The following UVRAG variants were observed in gnomAD, a reference collection of about 807,000 sequenced individuals.
UVRAG encodes UV radiation resistance associated, also known as UV radiation resistance-associated gene protein.
Under a neutral mutation model 78.0 loss-of-function variants are expected in UVRAG, and 19 were observed. That is an observed-to-expected ratio of 0.24 (90% CI 0.17 to 0.36). UVRAG has a LOEUF of 0.36. UVRAG is among the 10% of genes least tolerant of loss of function. The pLI is 1.00. For missense variants in UVRAG, 740 were observed against 853.8 expected (o/e 0.87, Z 1.66); for synonymous variants, 323 against 324.6 (o/e 1.00, Z 0.05).
At chr11:76,047,960 A>G (rs1042886274) in intron 12 of UVRAG, among the ~76,000 whole-genome samples, 5 of 152,212 alleles carry the variant, frequency 3.3e-5, no homozygotes, top group Admixed American at 1.3e-4. Context: ...GAACTAAACC[A>G]TATGTTTTAT....
chr11:75,904,865 A>G (rs1390932996), intron 5 of UVRAG, among the ~76,000 whole-genome samples: 2 of 152,124 alleles, frequency 1.3e-5, no homozygotes, highest in African/African-American at 2.4e-5. Context: ...TATTGCTGTT[A>G]TTTTTTATTA....
At chr11:75,971,158 A>C (rs528765655) in intron 7 of UVRAG, among the ~76,000 whole-genome samples, 1 of 152,116 alleles carries the variant, frequency 6.6e-6, no homozygotes, top group African/African-American at 2.4e-5. Context: ...TGCATGTACA[A>C]TTTCTCTTTT....
intron 6 of UVRAG, among the ~76,000 whole-genome samples, chr11:75,927,174 A>G (rs1037435028): frequency 2.6e-5 from 4 of 151,882 alleles, no homozygotes; most frequent in Non-Finnish European, 2.9e-5. Flanking sequence ...GGTTCAAGCA[A>G]TTCTCCTGCC....
intron 3 of UVRAG, among the ~76,000 whole-genome samples, chr11:75,869,522 C>T (rs1023551550): frequency 6.6e-6 from 1 of 152,132 alleles, no homozygotes; most frequent in South Asian, 2.1e-4. Context: ...GCATCATCTT[C>T]AAGGTTTTCC....
intron 1 of UVRAG, among the ~76,000 whole-genome samples, chr11:75,846,244 T>C (rs1946030872): frequency 6.6e-6 from 1 of 152,170 alleles, no homozygotes; most frequent in Admixed American, 6.5e-5. Context: ...AAAGTGTTAT[T>C]AAGACTTACC....
chr11:76,029,842 C>T (rs1487357929), intron 12 of UVRAG, among the ~76,000 whole-genome samples: 3 of 152,150 alleles, frequency 2.0e-5, no homozygotes, highest in Non-Finnish European at 4.4e-5. Context: ...AAGGCAAAGT[C>T]AATTGATGCC....
chr11:76,115,962 G>A lies in UVRAG; in HGVS notation c.1344G>A (p.Arg448=). 6.2e-7 allele frequency: 1 copy of A among 1,613,886 alleles called. No individual in the cohort carries two copies. The highest frequency in any genetic ancestry group is 8.5e-7 in the Non-Finnish European group (1 of 1,179,864). Residue 448 remains arginine (R), a synonymous_variant, in exon 14 of 15, where the codon CGG becomes CGA. Coordinates refer to ENST00000356136, the MANE Select transcript of UVRAG (RefSeq NM_003369.4). The stretch of plus-strand genomic sequence containing the variant: ...ATGGACTAGGGACTCCAGACTTGCG[G>A]CAAACCCTTCCCAACCTGAAAAACT... ...YQHGLGTPDL[R]QTLPNLKNFM... is the part of the protein sequence containing the mutation.
At chr11:76,007,427 T>A in intron 9 of UVRAG, 107 bp from the exon 10 acceptor site, 1 of 831,232 alleles carries the variant, frequency 1.2e-6, no homozygotes, top group Non-Finnish European at 1.9e-6. Context: ...TTCTGTGGCC[T>A]ATTACAGACA....
intron 13 of UVRAG, among the ~76,000 whole-genome samples, chr11:76,070,808 A>G (rs1433456512): frequency 6.6e-6 from 1 of 152,202 alleles, no homozygotes; most frequent in Non-Finnish European, 1.5e-5. Context: ...AAACTCATGG[A>G]GTCAGAAAGC....
chr11:76,120,028 C>T (rs1952247411), intron 14 of UVRAG, among the ~76,000 whole-genome samples: 1 of 152,322 alleles, frequency 6.6e-6, no homozygotes, highest in African/African-American at 2.4e-5. Flanking sequence ...GTTGCACTCA[C>T]TCTTCCTCTG....
chr11:75,935,909 T>G (rs1275023194), intron 6 of UVRAG, among the ~76,000 whole-genome samples: 1 of 152,232 alleles, frequency 6.6e-6, no homozygotes, highest in Non-Finnish European at 1.5e-5. Context: ...TCAGTGTCCT[T>G]TATAACTAAA....
chr11:76,108,006 TC>T (rs1160919098), intron 13 of UVRAG, among the ~76,000 whole-genome samples: 1 of 152,234 alleles, frequency 6.6e-6, no homozygotes, highest in African/African-American at 2.4e-5. Flanking sequence ...TTCATTGTAA[TC>T]CCATCATGAA....
intron 6 of UVRAG, among the ~76,000 whole-genome samples, chr11:75,959,649 A>G (rs1469298862): frequency 6.6e-6 from 1 of 152,208 alleles, no homozygotes; most frequent in African/African-American, 2.4e-5. Context: ...TCGTGTGTTC[A>G]CTGGAGTAGC....
intron 4 of UVRAG, among the ~76,000 whole-genome samples, chr11:75,886,177 A>G (rs1171760596): frequency 6.6e-6 from 1 of 152,158 alleles, no homozygotes; most frequent in African/African-American, 2.4e-5. Flanking sequence ...CTTTTCAAGT[A>G]CTAGTACTAT....
At chr11:76,105,428 A>G (rs1156296034) in intron 13 of UVRAG, among the ~76,000 whole-genome samples, 1 of 152,004 alleles carries the variant, frequency 6.6e-6, no homozygotes, top group Non-Finnish European at 1.5e-5. Context: ...GCTCAATATT[A>G]TTAGTCATTA....
chr11:75,921,518 A>G (rs1004640297), intron 6 of UVRAG, among the ~76,000 whole-genome samples: 5 of 152,062 alleles, frequency 3.3e-5, no homozygotes, highest in African/African-American at 9.7e-5. Flanking sequence ...ACCTTATACA[A>G]AAAGTTCATA....
chr11:75,837,283 C>T (rs184949818), intron 1 of UVRAG, among the ~76,000 whole-genome samples: 5 of 148,344 alleles, frequency 3.4e-5, no homozygotes, highest in East Asian at 2.0e-4. Flanking sequence ...GCTGAGATCA[C>T]GCCACTGCAC....
intron 2 of UVRAG, 119 bp from the exon 3 acceptor site, chr11:75,861,627 C>T: frequency 3.1e-6 from 2 of 650,272 alleles, no homozygotes; most frequent in Admixed American, 3.1e-5. Context: ...GAATAAATCC[C>T]TTGAAAATAT....
chr11:75,824,062 T>TA (rs200413270), intron 1 of UVRAG, among the ~76,000 whole-genome samples: 25 of 150,114 alleles, frequency 1.7e-4, no homozygotes, highest in South Asian at 2.1e-4. Context: ...TTTCTATTAC[T>TA]AAAAAAAAAA....
Sources: allele counts gnomAD v4.1 joint callset (sites outside exome capture counted in the v4.1 genomes callset), GRCh38; gene constraint gnomAD v4.1.1; transcripts MANE v1.5; gene names NCBI Gene and HGNC (gene_info 2026-07-23, HGNC 2026-07-21).